NBAS: variants seen among roughly 807,000 people sequenced by gnomAD.
NBAS encodes NAG/BC035112 fusion.
NBAS carries 219 observed loss-of-function variants against 302.5 expected under a neutral mutation model. The ratio of observed to expected loss-of-function variants is 0.72; its 90% CI spans 0.65 to 0.81. The LOEUF is 0.81. Ranked by LOEUF, NBAS falls within the 30% of genes least tolerant of loss-of-function variation. The pLI is 0.00. For missense variants in NBAS, 2,932 were observed against 2,841.6 expected, an observed-to-expected ratio of 1.03 and a Z score of -0.72; for synonymous variants, 1,118 against 1,021.6, an observed-to-expected ratio of 1.09 and a Z score of -1.80.
the NBAS span, among the ~76,000 whole-genome samples, chr2:14,910,929 C>A: frequency 6.6e-6 from 1 of 152,282 alleles, no homozygotes; most frequent in African/African-American, 2.4e-5. Context: ...TGGTAATTTA[C>A]CCGCACAGCA....
the NBAS span, among the ~76,000 whole-genome samples, chr2:14,780,369 G>A: frequency 2.6e-5 from 4 of 152,208 alleles, no homozygotes; most frequent in Non-Finnish European, 5.9e-5. Flanking sequence ...GATTCAGTCT[G>A]GAAGTTGATA....
At chr2:15,523,771 G>A (rs1168649039) in intron 9 of NBAS, among the ~76,000 whole-genome samples, 1 of 152,062 alleles carries the variant, frequency 6.6e-6, no homozygotes, top group Non-Finnish European at 1.5e-5. Flanking sequence ...AAAATTAGCT[G>A]GGCGTGGTGG....
intron 47 of NBAS, among the ~76,000 whole-genome samples, chr2:15,220,915 C>A (rs1666922221): frequency 1.3e-5 from 2 of 151,892 alleles, no homozygotes; most frequent in Non-Finnish European, 2.9e-5. Context: ...GTATGTCTTT[C>A]AGTATGTATT....
At chr2:14,944,836 T>G in the NBAS span, among the ~76,000 whole-genome samples, 2 of 152,172 alleles carry the variant, frequency 1.3e-5, no homozygotes, top group Non-Finnish European at 2.9e-5. Flanking sequence ...CAGAAAATTT[T>G]TACCCAATTC....
At chr2:14,806,702 G>GT in the NBAS span, among the ~76,000 whole-genome samples, 1 of 152,102 alleles carries the variant, frequency 6.6e-6, no homozygotes, top group African/African-American at 2.4e-5. Flanking sequence ...CTAAATCATT[G>GT]TCCTGATTAC....
the NBAS span, among the ~76,000 whole-genome samples, chr2:14,996,242 G>A: frequency 5.3e-5 from 8 of 152,142 alleles, no homozygotes; most frequent in African/African-American, 1.4e-4. Context: ...ACTTATGTTC[G>A]TCTTAAGTGC....
the NBAS span, among the ~76,000 whole-genome samples, chr2:15,067,694 T>C: frequency 3.4e-4 from 52 of 152,122 alleles, no homozygotes; most frequent in African/African-American, 1.3e-3. Context: ...AAACGTGAAG[T>C]TGCTGTTGAT....
chr2:14,780,855 C>T, the NBAS span, among the ~76,000 whole-genome samples: 1 of 152,112 alleles, frequency 6.6e-6, no homozygotes, highest in Non-Finnish European at 1.5e-5. Context: ...ATAAAACTTG[C>T]ATTTTCTTTC....
At chr2:15,329,213 G>A (rs1034544416) in intron 36 of NBAS, among the ~76,000 whole-genome samples, 1 of 152,166 alleles carries the variant, frequency 6.6e-6, no homozygotes, top group African/African-American at 2.4e-5. Context: ...GCATAGTCTA[G>A]GGAAACGATG....
At position 15,551,490 on chromosome 2, in the gene NBAS, T is replaced by C. The variant is rs1664383551; in HGVS notation, c.379+3A>G. On this transcript the variant is annotated splice_donor_region_variant and intron_variant, in intron 6 of 51. Transcript: ENST00000281513. The stretch of plus-strand genomic sequence containing the variant: ...ATTCTTTAAATATTTTGGAAACTCT[T>C]ACCTTGACATTTCCCAATAATGGAT... 6.2e-7 allele frequency: 1 copy of C among 1,605,462 alleles called. No homozygotes were observed.
At chr2:14,805,033 C>A in the NBAS span, among the ~76,000 whole-genome samples, 1 of 152,182 alleles carries the variant, frequency 6.6e-6, no homozygotes, top group African/African-American at 2.4e-5. Context: ...AACATTCACT[C>A]CACACATACA....
the NBAS span, among the ~76,000 whole-genome samples, chr2:15,046,941 C>T: frequency 6.6e-6 from 1 of 152,152 alleles, no homozygotes; most frequent in Admixed American, 6.5e-5. Flanking sequence ...CTGGTCCAGT[C>T]AACATCATCA....
chr2:15,453,739 C>T (rs1209258512), intron 21 of NBAS, among the ~76,000 whole-genome samples: 1 of 152,112 alleles, frequency 6.6e-6, no homozygotes, highest in East Asian at 1.9e-4. Flanking sequence ...TACTTACAAG[C>T]AAGCAAATTG....
the NBAS span, among the ~76,000 whole-genome samples, chr2:15,045,055 A>C: frequency 6.6e-6 from 1 of 152,220 alleles, no homozygotes; most frequent in Non-Finnish European, 1.5e-5. Context: ...AAGACTGATC[A>C]ATTTCTAAAT....
At chr2:14,786,300 G>GT in the NBAS span, among the ~76,000 whole-genome samples, 12 of 151,900 alleles carry the variant, frequency 7.9e-5, no homozygotes, top group African/African-American at 9.7e-5. Context: ...TTTTTGAAGG[G>GT]TTTTTTGTGT....
chr2:14,874,690 A>T, the NBAS span, among the ~76,000 whole-genome samples: 2 of 144,794 alleles, frequency 1.4e-5, no homozygotes, highest in Non-Finnish European at 3.0e-5. Flanking sequence ...ACCACAAACC[A>T]TTATCTCTCC....
At chr2:15,160,353 G>C in the NBAS span, among the ~76,000 whole-genome samples, 1 of 152,190 alleles carries the variant, frequency 6.6e-6, no homozygotes. Flanking sequence ...GGCGATGAGA[G>C]AGAGAGGCTC....
At chr2:14,990,219 C>T in the NBAS span, among the ~76,000 whole-genome samples, 1 of 149,294 alleles carries the variant, frequency 6.7e-6, no homozygotes, top group Admixed American at 6.7e-5. Context: ...TTGAGAGAAG[C>T]CTGGCTGACA....
intron 6 of NBAS, among the ~76,000 whole-genome samples, chr2:15,547,227 G>A (rs961228675): frequency 5.3e-5 from 8 of 152,108 alleles, no homozygotes; most frequent in Non-Finnish European, 7.3e-5. Flanking sequence ...TCCTATTTCA[G>A]TTTGTAGACT....
Sources: allele counts gnomAD v4.1 joint callset (sites outside exome capture counted in the v4.1 genomes callset), GRCh38; gene constraint gnomAD v4.1.1; transcripts MANE v1.5; gene names NCBI Gene and HGNC (gene_info 2026-07-23, HGNC 2026-07-21).